Variants in MROH2B observed in about 807,000 individuals in gnomAD.
MROH2B encodes maestro heat like repeat family member 2B.
In MROH2B, 177 loss-of-function variants were observed where a neutral mutation model predicts 208.6. That is an observed-to-expected ratio of 0.85 (90% CI 0.75 to 0.96). The LOEUF (loss-of-function observed/expected upper bound fraction) is 0.96, where lower values mean the gene tolerates loss of function less well. Ranked by LOEUF, MROH2B falls within the 40% of genes least tolerant of loss-of-function variation. The pLI, the probability that MROH2B is intolerant of heterozygous loss-of-function variation, is 0.00. For missense variants in MROH2B, 2,002 were observed against 1,878.7 expected (o/e 1.07, Z -1.21); for synonymous variants, 728 against 659.0 (o/e 1.10, Z -1.60).
chr5:41,070,800 C>T, intron 1 of MROH2B, 25 bp downstream of exon 1: 2 of 1,607,342 alleles, frequency 1.2e-6, no homozygotes, highest in South Asian at 2.2e-5. Context: ...AGAGCCTTGG[C>T]TTCTCAGGAT....
chr5:41,067,298 AT>A, intron 2 of MROH2B, 80 bp from the exon 3 acceptor site: 1 of 731,784 alleles, frequency 1.4e-6, no homozygotes, highest in Non-Finnish European at 2.4e-6. Context: ...GAATAACACC[AT>A]TAAAGTAAGC....
intron 21 of MROH2B, 52 bp from the exon 22 acceptor site, chr5:41,033,916 T>A (rs535066214): frequency 6.5e-7 from 1 of 1,542,230 alleles, no homozygotes; most frequent in African/African-American, 1.4e-5. Flanking sequence ...CATTGAGAGA[T>A]ATACCCAACC....
At position 41,038,859 on chromosome 5, in the gene MROH2B, G is replaced by A. The variant is rs1171683469; in HGVS notation, c.2091C>T (p.Thr697=). ...CATAGATGACCATGACATCTGTCTT[G>A]GTCAGGCTCTTTTTCCCAGAAAAAA... is the stretch of plus-strand genomic sequence containing the variant. The part of the protein sequence containing the change: ...KSLFSGKKSL[T]KTDVMVIYGA... The change falls in exon 21 of 42, where the codon ACC becomes ACT. Residue 697 remains threonine (T), a synonymous_variant. Coordinates refer to ENST00000399564, the MANE Select transcript of MROH2B (RefSeq NM_173489.5). 2.5e-6 allele frequency: 4 copies of A among 1,610,270 alleles called. No individual in the cohort carries two copies. Among genetic ancestry groups the A allele is most frequent in the African/African-American group, 1.3e-5 (1 of 74,700 alleles).
At chr5:41,050,882 C>T in intron 13 of MROH2B, 95 bp downstream of exon 13, 2 of 808,990 alleles carry the variant, frequency 2.5e-6, no homozygotes, top group East Asian at 2.9e-5. Flanking sequence ...AAGCTGATGA[C>T]AAATGGAGAA....
chr5:41,065,336 C>G lies in MROH2B; in HGVS notation c.356G>C (p.Ser119Thr). Residue 119 changes from serine to threonine, a missense_variant, in exon 4 of 42, where the codon AGC (serine) becomes ACC (threonine). Coordinates refer to ENST00000399564, the MANE Select transcript of MROH2B (RefSeq NM_173489.5). Reference sequence around the variant, plus strand: ...GGAGAATATTCCCGCTATACCATAGCTGGTTGCCAATTCAGCCAGGGCAAG... The same window carrying G: ...GGAGAATATTCCCGCTATACCATAGGTGGTTGCCAATTCAGCCAGGGCAAG... ...VVLALAELATSYVSQSIPFMM... is the reference protein window; with the variant it reads ...VVLALAELATTYVSQSIPFMM... 2.5e-6 allele frequency: 4 copies of G among 1,611,432 alleles called. No homozygotes were observed. The highest frequency in any genetic ancestry group is 1.1e-5 in the South Asian group (1 of 90,478).
chr5:41,004,504 G>A lies in MROH2B; in HGVS notation c.4036C>T (p.Leu1346=), dbSNP rs754632261. 1.7e-5 allele frequency: 27 copies of A among 1,609,618 alleles called. No homozygotes were observed. The highest frequency in any genetic ancestry group is 2.0e-5 in the Non-Finnish European group (23 of 1,178,932). ...TACAGGCCTCTGATGATAGATTCTA[G>A]CATTAACTGCTTATGTTTCTTCACC... ...HKVKKHKQLM[L]ESIIRGLYHL... The change falls in exon 37 of 42, where the codon CTA becomes TTA. Residue 1346 remains leucine, a synonymous_variant. Transcript: ENST00000399564.
intron 24 of MROH2B, among the ~76,000 whole-genome samples, chr5:41,027,318 C>T (rs571013892): frequency 6.6e-6 from 1 of 152,154 alleles, no homozygotes; most frequent in African/African-American, 2.4e-5. Context: ...CCAGAATCTA[C>T]AATGAACTCA....
In MROH2B at chr5:41,071,040, A is replaced by AG. The variant is rs1209127505; in HGVS notation, c.-189dup. 4 of 594,068 alleles carry AG rather than the reference A, an allele frequency of 6.7e-6. No homozygotes were observed. Among genetic ancestry groups the AG allele is most frequent in the Non-Finnish European group, 1.2e-5 (4 of 335,820 alleles). 36.8% of individuals were successfully genotyped at this position (594,068 alleles called of 1,614,324 possible). On this transcript the variant is annotated 5_prime_UTR_variant, in exon 1 of 42. The change abolishes the stop of an existing upstream ORF in the 5' untranslated region. Coordinates refer to ENST00000399564, the MANE Select transcript of MROH2B (RefSeq NM_173489.5). ...CTTCCAGAGATGGGCTTGCTGTTGAAGTTGATACTGTATTCTACCACTATG... is the reference window on the plus strand; with the variant it reads ...CTTCCAGAGATGGGCTTGCTGTTGAAGGTTGATACTGTATTCTACCACTATG...
chr5:41,051,861 C>T (rs1743295247), intron 12 of MROH2B, among the ~76,000 whole-genome samples: 1 of 152,128 alleles, frequency 6.6e-6, no homozygotes, highest in Admixed American at 6.6e-5. Flanking sequence ...TAAAAGCATG[C>T]TCCATCAGCA....
Position 41,018,766 on chromosome 5 carries a change from C to T in MROH2B, c.2598G>A (p.Met866Ile), listed in dbSNP as rs116009037. 263 of 1,613,818 alleles carry T rather than the reference C, an allele frequency of 1.6e-4. 1 individual carries two copies. In the African/African-American group the frequency reaches 3.3e-3, roughly 20 times the overall value. ...TCTTCAGAAGTTTTCCTAGGGCGTCCATGGATCGTTCATAGAGAAACTGAA... is the reference window on the plus strand; with the variant it reads ...TCTTCAGAAGTTTTCCTAGGGCGTCTATGGATCGTTCATAGAGAAACTGAA... ...EHIQFLYERS[M>I]DALGKLLKTM... Residue 866 changes from methionine (M) to isoleucine (I), a missense_variant, in exon 26 of 42, where the codon ATG (methionine) becomes ATA (isoleucine). By Grantham distance (10) the Met-to-Ile change is conservative. Coordinates refer to ENST00000399564, the MANE Select transcript of MROH2B (RefSeq NM_173489.5).
intron 29 of MROH2B, among the ~76,000 whole-genome samples, chr5:41,014,269 T>C (rs562242330): frequency 6.6e-6 from 1 of 152,270 alleles, no homozygotes; most frequent in African/African-American, 2.4e-5. Flanking sequence ...AAAATTGGCA[T>C]AATTATGTGT....
intron 6 of MROH2B, among the ~76,000 whole-genome samples, chr5:41,060,710 C>A (rs906991975): frequency 6.6e-6 from 1 of 152,158 alleles, no homozygotes; most frequent in Non-Finnish European, 1.5e-5. Context: ...ACTTGCCTGG[C>A]CCTTCCTGCA....
At chr5:41,021,590 C>T (rs1742149782) in intron 24 of MROH2B, among the ~76,000 whole-genome samples, 1 of 152,116 alleles carries the variant, frequency 6.6e-6, no homozygotes, top group Non-Finnish European at 1.5e-5. Flanking sequence ...TAAAGACAGA[C>T]ATATAGGCCA....
chr5:41,013,986 C>G (rs1286676761), intron 29 of MROH2B, among the ~76,000 whole-genome samples: 1 of 152,214 alleles, frequency 6.6e-6, no homozygotes, highest in Admixed American at 6.5e-5. Flanking sequence ...CAAGTCTCCA[C>G]ATAGCTGCCA....
In MROH2B at chr5:41,047,863, TA is replaced by T. The variant is rs780841806; in HGVS notation, c.1685-100del. 2.1e-5 allele frequency: 21 copies of T among 1,013,382 alleles called. No homozygotes were observed. The East Asian group carries it at 2.4e-4, about 11-fold the overall frequency. 62.8% of individuals were successfully genotyped at this position (1,013,382 alleles called of 1,614,324 possible). The stretch of plus-strand genomic sequence containing the variant: ...CTCCAGTGATACTGGAGTTCTATTT[TA>T]AGCTTTCTTTTTGCTCATAATGCTT... On this transcript the variant is annotated intron_variant, in intron 16 of 41. Transcript: ENST00000399564.
At chr5:41,061,808 TGATTA>T in intron 5 of MROH2B, 84 bp from the exon 6 acceptor site, 2 of 1,389,050 alleles carry the variant, frequency 1.4e-6, no homozygotes, top group Non-Finnish European at 9.7e-7. Flanking sequence ...AGAGTGCTGA[TGATTA>T]GTAAATATGT....
In MROH2B at chr5:41,061,770, G is replaced by A. The variant is rs768862756; in HGVS notation, c.461-46C>T. Reference sequence around the variant, plus strand: ...CACAGACTGAGAAAAATATAAGGATGGGGCAGACGATAAAATAATTTGAGA... The same window carrying A: ...CACAGACTGAGAAAAATATAAGGATAGGGCAGACGATAAAATAATTTGAGA... On this transcript the variant is annotated intron_variant, in intron 5 of 41. Transcript: ENST00000399564. 13 of 1,552,306 alleles carry A rather than the reference G, an allele frequency of 8.4e-6. No homozygotes were observed. In the East Asian group the frequency reaches 2.1e-4, roughly 25 times the overall value.
Position 41,065,501 on chromosome 5 carries a change from A to G in MROH2B, c.202-11T>C. The G allele has an allele frequency of 6.2e-7, 1 of 1,610,862 alleles. No homozygotes were observed. The highest frequency in any genetic ancestry group is 8.5e-7 in the Non-Finnish European group (1 of 1,178,714). ...GATTTCTCTGAGCATCTGAGGAGGA[A>G]AAGAAAAATAACAATAACAACTAGA... On this transcript the variant is annotated splice_polypyrimidine_tract_variant and intron_variant, in intron 3 of 41. Transcript: ENST00000399564.
intron 37 of MROH2B, among the ~76,000 whole-genome samples, chr5:41,003,243 G>A (rs1355536512): frequency 6.6e-6 from 1 of 152,132 alleles, no homozygotes; most frequent in Non-Finnish European, 1.5e-5. Context: ...TTACAGGCGT[G>A]AGCCACCATG....
Sources: gnomAD v4.1 joint callset for allele counts (sites outside exome capture counted in the v4.1 genomes callset) on GRCh38, gnomAD v4.1.1 for gene constraint, MANE v1.5 for transcripts, NCBI Gene and HGNC (gene_info 2026-07-23, HGNC 2026-07-21) for gene names.